RNLS: variants seen among roughly 807,000 people sequenced by gnomAD.
RNLS encodes renalase, FAD dependent amine oxidase.
In RNLS, 39 loss-of-function variants were observed where a neutral mutation model predicts 39.8. The ratio of observed to expected loss-of-function variants is 0.98; its 90% CI spans 0.76 to 1.28. The LOEUF (loss-of-function observed/expected upper bound fraction) is 1.28. Among genes scored for constraint, RNLS ranks in the 50% most tolerant of loss-of-function variants. The probability of loss-of-function intolerance (pLI) is 0.00; values close to 1 mark genes in which losing one functional copy is unlikely to be tolerated. For missense variants in RNLS, 410 were observed against 413.3 expected (o/e 0.99, Z 0.07); for synonymous variants, 147 against 150.7 (o/e 0.98, Z 0.18).
In RNLS at chr10:88,357,830, T is replaced by C. The variant is rs563307698; in HGVS notation, c.700+4722A>G. ...CACAGATTGATGCCTATGAGCACACTGACTCTGGTAGTTACCTGATGAAGT... is the reference window on the plus strand; with the variant it reads ...CACAGATTGATGCCTATGAGCACACCGACTCTGGTAGTTACCTGATGAAGT... On this transcript the variant is annotated intron_variant, in intron 5 of 6. Coordinates refer to ENST00000331772, the MANE Select transcript of RNLS (RefSeq NM_001031709.3). Among the ~76,000 whole-genome samples, 515 of 152,320 alleles carry C rather than the reference T, an allele frequency of 3.4e-3. 5 individuals carry two copies. The highest frequency in any genetic ancestry group is 0.011 in the African/African-American group (444 of 41,570).
intron 4 of RNLS, among the ~76,000 whole-genome samples, chr10:88,511,638 G>C (rs1846129057): frequency 1.3e-5 from 2 of 151,698 alleles, no homozygotes; most frequent in South Asian, 2.1e-4. Flanking sequence ...AGATGAGCGG[G>C]AATGAGGAAA....
At chr10:88,523,763 C>T (rs1419284232) in intron 4 of RNLS, among the ~76,000 whole-genome samples, 1 of 152,090 alleles carries the variant, frequency 6.6e-6, no homozygotes, top group Admixed American at 6.6e-5. Flanking sequence ...CTGGGATTCT[C>T]AAGGCAAGCG....
chr10:88,445,692 C>A (rs1036309233), intron 4 of RNLS, among the ~76,000 whole-genome samples: 2 of 152,088 alleles, frequency 1.3e-5, no homozygotes, highest in Admixed American at 6.5e-5. Flanking sequence ...GACTGTAAAC[C>A]AACAAAGATC....
At chr10:88,253,945 TAAATC>T in the RNLS span, among the ~76,000 whole-genome samples, 11 of 152,326 alleles carry the variant, frequency 7.2e-5, no homozygotes, top group African/African-American at 2.6e-4. Context: ...GTTTTGTTAT[TAAATC>T]AAAGGGCATT....
At chr10:88,567,100 T>C (rs1169380897) in intron 4 of RNLS, among the ~76,000 whole-genome samples, 1 of 152,088 alleles carries the variant, frequency 6.6e-6, no homozygotes, top group Non-Finnish European at 1.5e-5. Flanking sequence ...AGAGAGAACT[T>C]TTTAAGTCAA....
chr10:88,175,216 C>T, the RNLS span, among the ~76,000 whole-genome samples: 2 of 150,542 alleles, frequency 1.3e-5, no homozygotes, highest in African/African-American at 2.4e-5. Flanking sequence ...ATTTTTTGTT[C>T]ATCTTTTGTA....
At chr10:88,303,248 G>A (rs994698559) in intron 6 of RNLS, among the ~76,000 whole-genome samples, 2 of 152,246 alleles carry the variant, frequency 1.3e-5, no homozygotes, top group Non-Finnish European at 2.9e-5. Flanking sequence ...AGCCCAGATG[G>A]TTTGGTGCAG....
intron 5 of RNLS, among the ~76,000 whole-genome samples, chr10:88,344,352 A>G (rs751938260): frequency 2.6e-5 from 4 of 152,144 alleles, no homozygotes; most frequent in Admixed American, 1.3e-4. Context: ...CAGATGGTGA[A>G]ATTTTTATTT....
At chr10:88,480,899 T>C (rs1008504982) in intron 4 of RNLS, among the ~76,000 whole-genome samples, 7 of 152,088 alleles carry the variant, frequency 4.6e-5, no homozygotes, top group African/African-American at 1.7e-4. Flanking sequence ...GACAACCAAA[T>C]ATTTTATGTT....
At chr10:88,422,359 T>C (rs1854459372) in intron 4 of RNLS, among the ~76,000 whole-genome samples, 1 of 152,210 alleles carries the variant, frequency 6.6e-6, no homozygotes, top group South Asian at 2.1e-4. Context: ...AAGTTATATA[T>C]AACACTTTAT....
intron 5 of RNLS, among the ~76,000 whole-genome samples, chr10:88,336,596 T>G (rs907129625): frequency 6.6e-6 from 1 of 152,238 alleles, no homozygotes; most frequent in African/African-American, 2.4e-5. Flanking sequence ...TAAGTAAATG[T>G]ATACAAGTTT....
chr10:88,434,055 T>C (rs151000515), intron 4 of RNLS, among the ~76,000 whole-genome samples: 338 of 152,238 alleles, frequency 2.2e-3, no homozygotes, highest in Middle Eastern at 6.8e-3. Flanking sequence ...CTTGTTGAGG[T>C]TTTCTCTTTG....
the RNLS span, among the ~76,000 whole-genome samples, chr10:88,175,661 C>G: frequency 3.3e-5 from 5 of 152,154 alleles, no homozygotes; most frequent in East Asian, 1.9e-4. Context: ...TGTGGCCCAT[C>G]ATATGATCTA....
chr10:88,365,432 C>A (rs538209410), intron 4 of RNLS, among the ~76,000 whole-genome samples: 8 of 151,532 alleles, frequency 5.3e-5, no homozygotes, highest in African/African-American at 1.9e-4. Context: ...CAAATCAAGG[C>A]TTATATAAAA....
chr10:88,576,723 G>A (rs1850233115), intron 3 of RNLS, among the ~76,000 whole-genome samples: 1 of 151,948 alleles, frequency 6.6e-6, no homozygotes. Context: ...AAGAAAATAG[G>A]CACAAAAGTA....
intron 4 of RNLS, among the ~76,000 whole-genome samples, chr10:88,453,078 C>T (rs1194818848): frequency 6.6e-6 from 1 of 152,206 alleles, no homozygotes; most frequent in Non-Finnish European, 1.5e-5. Flanking sequence ...AGACCAGCTG[C>T]AGTGGCAGGA....
At chr10:88,476,113 T>C (rs1843810995) in intron 4 of RNLS, among the ~76,000 whole-genome samples, 1 of 152,194 alleles carries the variant, frequency 6.6e-6, no homozygotes, top group African/African-American at 2.4e-5. Flanking sequence ...TGATTTATTT[T>C]ATATCAGTCC....
chr10:88,207,647 G>C, the RNLS span, among the ~76,000 whole-genome samples: 2 of 152,126 alleles, frequency 1.3e-5, no homozygotes, highest in Admixed American at 1.3e-4. Context: ...AAATCACAGG[G>C]CTCAAAAATT....
chr10:88,420,246 ATCTT>A (rs750150262), intron 4 of RNLS, among the ~76,000 whole-genome samples: 1 of 152,056 alleles, frequency 6.6e-6, no homozygotes, highest in South Asian at 2.1e-4. Flanking sequence ...TAAAGACTAG[ATCTT>A]TCTTTTTGGT....
Sources: allele counts gnomAD v4.1 joint callset (sites outside exome capture counted in the v4.1 genomes callset), GRCh38; gene constraint gnomAD v4.1.1; transcripts MANE v1.5; gene names NCBI Gene and HGNC (gene_info 2026-07-23, HGNC 2026-07-21).